The following RPS27A variants were observed in gnomAD, a reference collection of about 807,000 sequenced individuals.
RPS27A encodes the protein ribosomal protein S27a.
In RPS27A, 1 loss-of-function variant was observed where a neutral mutation model predicts 18.9. The observed-to-expected ratio is 0.05, with a 90% confidence interval of 0.02 to 0.25. RPS27A has a LOEUF of 0.25. Ranked by LOEUF, RPS27A falls within the 10% of genes least tolerant of loss-of-function variation. The probability of loss-of-function intolerance (pLI) is 1.00; values close to 1 mark genes in which losing one functional copy is unlikely to be tolerated. For missense variants in RPS27A, 123 were observed against 187.4 expected, an observed-to-expected ratio of 0.66 and a Z score of 2.01; for synonymous variants, 77 against 63.7, an observed-to-expected ratio of 1.21 and a Z score of -0.99.
chr2:55,233,318 G>A (rs1277324805), intron 2 of RPS27A, 45 bp from the exon 3 acceptor site: 2 of 1,487,348 alleles, frequency 1.3e-6, no homozygotes, highest in African/African-American at 2.8e-5. Flanking sequence ...TTCTGCTGTA[G>A]TTCCTTAATG....
rs1558539553 is a variant in RPS27A at position 55,234,815 on chromosome 2, ATTC to A, written c.190-12_190-10del. On this transcript the variant is annotated splice_polypyrimidine_tract_variant and intron_variant, in intron 4 of 5. Coordinates refer to ENST00000272317, the MANE Select transcript of RPS27A (RefSeq NM_002954.6). The stretch of plus-strand genomic sequence containing the variant: ...TAGTGGAATCATGAAAGCTTGCTTC[ATTC>A]TTCCATTAACAGGAGTCTACTCTTC... 6.2e-7 allele frequency: 1 copy of A among 1,611,886 alleles called. No homozygotes were observed.
At position 55,235,436 on chromosome 2, in the gene RPS27A, G is replaced by A; in HGVS notation, c.330G>A (p.Glu110=). The part of the protein sequence containing the change: ...LAVLKYYKVD[E]NGKISRLRRE... ...AGGTTTGTGCTTTTCAGGTGGATGA[G>A]AATGGCAAAATTAGTCGCCTTCGTC... Residue 110 remains glutamate (E), a synonymous_variant, in exon 6 of 6, where the codon GAG becomes GAA. Transcript: ENST00000272317. 6.2e-7 allele frequency: 1 copy of A among 1,612,006 alleles called. No individual in the cohort carries two copies. Among genetic ancestry groups the A allele is most frequent in the Non-Finnish European group, 8.5e-7 (1 of 1,179,856 alleles).
Position 55,232,832 on chromosome 2 carries a change from T to C in RPS27A, c.8T>C (p.Ile3Thr), listed in dbSNP as rs1430299698. ...GGTGGAGCCGCCACCAAAATGCAGATTTTCGTGAAAACCCTTACGGGGAAG... is the reference window on the plus strand; with the variant it reads ...GGTGGAGCCGCCACCAAAATGCAGACTTTCGTGAAAACCCTTACGGGGAAG... Reference protein sequence around the residue: MQIFVKTLTGKTI... With the variant: MQTFVKTLTGKTI... The change falls in exon 2 of 6, where the codon ATT becomes ACT. Residue 3 changes from isoleucine to threonine, a missense_variant. Coordinates refer to ENST00000272317, the MANE Select transcript of RPS27A (RefSeq NM_002954.6). 1.2e-6 allele frequency: 2 copies of C among 1,613,040 alleles called. No homozygotes were observed. The highest frequency in any genetic ancestry group is 1.3e-5 in the African/African-American group (1 of 74,912).
At chr2:55,232,338 A>T (rs1675500036), upstream of RPS27A, 1 of 241,082 alleles carries the variant, frequency 4.1e-6, no homozygotes, top group African/African-American at 2.2e-5. Context: ...AAGGTAGAAG[A>T]AAGCAGTGGA....
chr2:55,235,308 G>C (rs1173371765), intron 5 of RPS27A, 120 bp from the exon 6 acceptor site: 6 of 1,136,128 alleles, frequency 5.3e-6, no homozygotes, highest in South Asian at 1.2e-5. Context: ...GGGTGCTTTG[G>C]TTTGTAAGCA....
chr2:55,232,778 A>G, intron 1 of RPS27A, 30 bp from the exon 2 acceptor site: 1 of 1,571,436 alleles, frequency 6.4e-7, no homozygotes, highest in Non-Finnish European at 8.7e-7. Context: ...TCCCTGACCT[A>G]ACCTGTCTCT....
chr2:55,234,149 T>A lies in RPS27A; in HGVS notation c.134T>A (p.Phe45Tyr), dbSNP rs761564324. ...GIPPDQQRLI[F>Y]AGKQLEDGRT... The stretch of plus-strand genomic sequence containing the variant: ...CCTCCTGATCAGCAGAGACTGATCT[T>A]TGCTGGCAAGCAGCTGGAAGATGGA... Residue 45 changes from phenylalanine to tyrosine, a missense_variant, in exon 4 of 6, where the codon TTT becomes TAT. This residue lies in a region of RPS27A where 66 missense variants were observed against 72.6 expected (regional missense o/e 0.91). Coordinates refer to ENST00000272317, the MANE Select transcript of RPS27A (RefSeq NM_002954.6). The A allele has an allele frequency of 6.2e-7, 1 of 1,613,830 alleles. No homozygotes were observed. The highest frequency in any genetic ancestry group is 8.5e-7 in the Non-Finnish European group (1 of 1,179,688).
chr2:55,235,654 A>C lies in RPS27A; in HGVS notation c.*77A>C. The C allele has an allele frequency of 6.7e-7, 1 of 1,497,934 alleles. No individual in the cohort carries two copies. The highest frequency in any genetic ancestry group is 9.2e-7 in the Non-Finnish European group (1 of 1,089,332). 92.8% of individuals were successfully genotyped at this position (1,497,934 alleles called of 1,614,324 possible). A position where few individuals can be genotyped will look rare whatever the true frequency, so the allele number is the denominator to read the frequency against. ...GCAGTAAAAAGAATGGTTTTTAAGCACCAAATTGATGGTCACACCATTTCC... is the reference window on the plus strand; with the variant it reads ...GCAGTAAAAAGAATGGTTTTTAAGCCCCAAATTGATGGTCACACCATTTCC... On this transcript the variant is annotated 3_prime_UTR_variant, in exon 6 of 6. Coordinates refer to ENST00000272317, the MANE Select transcript of RPS27A (RefSeq NM_002954.6).
chr2:55,234,575 T>C (rs1675697534), intron 4 of RPS27A: 1 of 569,252 alleles, frequency 1.8e-6, no homozygotes, highest in Non-Finnish European at 3.1e-6. Flanking sequence ...ACTCCTATAC[T>C]GATACTTGAG....
At position 55,232,713 on chromosome 2, in the gene RPS27A, G is replaced by C; in HGVS notation, c.-18+5G>C. ...CTTTTCGATCCGCCATCTGCGGTGGGTGTCTGCACTTCGGCTGCTCTCGGG... is the reference window on the plus strand; with the variant it reads ...CTTTTCGATCCGCCATCTGCGGTGGCTGTCTGCACTTCGGCTGCTCTCGGG... On this transcript the variant is annotated splice_donor_5th_base_variant and intron_variant, in intron 1 of 5. Transcript: ENST00000272317. 1.3e-5 allele frequency: 12 copies of C among 932,226 alleles called. No homozygotes were observed. The South Asian group carries it at 1.5e-4, about 12-fold the overall frequency. 57.7% of individuals were successfully genotyped at this position (932,226 alleles called of 1,614,324 possible). A position where few individuals can be genotyped will look rare whatever the true frequency, so the allele number is the denominator to read the frequency against.
rs1400870548 is a variant in RPS27A at position 55,232,738 on chromosome 2, G to T, written c.-18+30G>T. ...GTGTCTGCACTTCGGCTGCTCTCGG[G>T]TTAGCACCCTATGGTGCCTTCTCTT... On this transcript the variant is annotated intron_variant, in intron 1 of 5. Coordinates refer to ENST00000272317, the MANE Select transcript of RPS27A (RefSeq NM_002954.6). 4 of 1,262,268 alleles carry T rather than the reference G, an allele frequency of 3.2e-6. No individual in the cohort carries two copies. In the Admixed American group the frequency reaches 5.8e-5, roughly 18 times the overall value. The allele number at this position is 1,262,268 out of a possible 1,614,324, so 78.2% of individuals were successfully genotyped here.
At chr2:55,234,993 A>G (rs1003425214) in intron 5 of RPS27A, 31 bp downstream of exon 5, 5 of 1,610,696 alleles carry the variant, frequency 3.1e-6, no homozygotes, top group African/African-American at 1.3e-5. Context: ...AATGTCAGCA[A>G]AGTCTTGGCT....
At chr2:55,232,456 C>A, upstream of RPS27A, 1 of 338,564 alleles carries the variant, frequency 3.0e-6, no homozygotes, top group Non-Finnish European at 5.7e-6. Flanking sequence ...ACGGGAAAAG[C>A]CTTTTTAAAA....
At position 55,235,699 on chromosome 2, in the gene RPS27A, A is replaced by T; in HGVS notation, c.*122A>T. On this transcript the variant is annotated 3_prime_UTR_variant, in exon 6 of 6. Coordinates refer to ENST00000272317, the MANE Select transcript of RPS27A (RefSeq NM_002954.6). ...ATTTCCTTTTAGTAGTGCTACTGCT[A>T]TCGCTGTGTGAATGTTGCCTCTGGG... The T allele has an allele frequency of 8.8e-7, 1 of 1,140,714 alleles. No homozygotes were observed. Among genetic ancestry groups the T allele is most frequent in the Non-Finnish European group, 1.3e-6 (1 of 774,798 alleles). 70.7% of individuals were successfully genotyped at this position (1,140,714 alleles called of 1,614,324 possible).
At chr2:55,234,270 CTTTT>C in intron 4 of RPS27A, 66 bp downstream of exon 4, 3 of 1,213,068 alleles carry the variant, frequency 2.5e-6, no homozygotes, top group Non-Finnish European at 3.6e-6. Context: ...TTTTATTTTA[CTTTT>C]TTTGAGACAG....
Position 55,235,620 on chromosome 2 carries a change from G to A in RPS27A, c.*43G>A. 1 of 1,593,704 alleles carries A rather than the reference G, an allele frequency of 6.3e-7. No individual in the cohort carries two copies. The highest frequency in any genetic ancestry group is 8.5e-7 in the Non-Finnish European group (1 of 1,176,018). ...AGACATGAACTAACATTTATTGTTGGGTTTTATTGCAGTAAAAAGAATGGT... is the reference window on the plus strand; with the variant it reads ...AGACATGAACTAACATTTATTGTTGAGTTTTATTGCAGTAAAAAGAATGGT... On this transcript the variant is annotated 3_prime_UTR_variant, in exon 6 of 6. Coordinates refer to ENST00000272317, the MANE Select transcript of RPS27A (RefSeq NM_002954.6).
Position 55,235,766 on chromosome 2 carries a change from A to G in RPS27A, c.*189A>G, listed in dbSNP as rs955840036. 3.1e-6 allele frequency: 2 copies of G among 649,608 alleles called. No homozygotes were observed. The highest frequency in any genetic ancestry group is 2.5e-5 in the Admixed American group (1 of 40,670). 40.2% of individuals were successfully genotyped at this position (649,608 alleles called of 1,614,324 possible). On this transcript the variant is annotated 3_prime_UTR_variant, in exon 6 of 6. Transcript: ENST00000272317. ...GGTTCTGTATACCTGCCAGGTGCCAACCACTTGTAAAGGTCTTGATATTTT... is the reference window on the plus strand; with the variant it reads ...GGTTCTGTATACCTGCCAGGTGCCAGCCACTTGTAAAGGTCTTGATATTTT...
chr2:55,233,885 C>CTGTAA, intron 3 of RPS27A: 1 of 583,974 alleles, frequency 1.7e-6, no homozygotes, highest in South Asian at 2.0e-5. Flanking sequence ...CCACCTCGAC[C>CTGTAA]TCCCAAAGTA....
intron 2 of RPS27A, 50 bp from the exon 3 acceptor site, chr2:55,233,313 C>CTGTA: frequency 4.2e-6 from 6 of 1,428,144 alleles, no homozygotes; most frequent in Non-Finnish European, 4.9e-6. Context: ...ATGAGTTCTG[C>CTGTA]TGTAGTTCCT....
Sources: allele counts gnomAD v4.1 joint callset, GRCh38; gene constraint gnomAD v4.1.1; regional missense constraint gnomAD v4.1.1; transcripts MANE v1.5; gene names NCBI Gene and HGNC (gene_info 2026-07-23, HGNC 2026-07-21).